SYNJ2: variants seen among roughly 807,000 people sequenced by gnomAD.
The protein encoded by SYNJ2 is polyphosphatidylinositol phosphatase SYNJ2.
SYNJ2 carries 116 observed loss-of-function variants against 141.3 expected under a neutral mutation model. That is an observed-to-expected ratio of 0.82 (90% confidence interval 0.71 to 0.96). The LOEUF is 0.96. SYNJ2 is among the 40% of genes least tolerant of loss of function. The pLI, the probability that SYNJ2 is intolerant of heterozygous loss-of-function variation, is 0.00. For missense variants in SYNJ2, 1,873 were observed against 1,934.8 expected, an observed-to-expected ratio of 0.97 and a Z score of 0.60; for synonymous variants, 745 against 777.7, an observed-to-expected ratio of 0.96 and a Z score of 0.70.
chr6:157,996,424 C>T (rs1459904464), intron 1 of SYNJ2, among the ~76,000 whole-genome samples: 4 of 152,148 alleles, frequency 2.6e-5, no homozygotes, highest in African/African-American at 9.7e-5. Flanking sequence ...TAGGGATCTG[C>T]TTGAAGCTCA....
At chr6:158,010,916 G>A (rs974997759) in intron 1 of SYNJ2, among the ~76,000 whole-genome samples, 1 of 149,736 alleles carries the variant, frequency 6.7e-6, no homozygotes, top group Non-Finnish European at 1.5e-5. Context: ...GCCTCGTGAT[G>A]ACAGGGGACA....
chr6:157,999,884 T>C (rs1436307410), intron 1 of SYNJ2, among the ~76,000 whole-genome samples: 1 of 152,068 alleles, frequency 6.6e-6, no homozygotes, highest in Non-Finnish European at 1.5e-5. Context: ...CAGCTCCGGT[T>C]AGTGGATGAC....
intron 5 of SYNJ2, among the ~76,000 whole-genome samples, chr6:158,054,620 G>T (rs1269723006): frequency 6.6e-6 from 1 of 152,226 alleles, no homozygotes; most frequent in African/African-American, 2.4e-5. Flanking sequence ...TGTCTCCACA[G>T]TTGGCTTCAC....
At chr6:158,028,649 G>A (rs1350800567) in intron 2 of SYNJ2, 107 bp from the exon 3 acceptor site, 21 of 1,463,958 alleles carry the variant, frequency 1.4e-5, no homozygotes, top group South Asian at 7.8e-5. Flanking sequence ...GTGCACAGAC[G>A]TTGCCTTCCT....
chr6:158,013,299 T>C (rs896958413), intron 1 of SYNJ2, among the ~76,000 whole-genome samples: 1 of 152,156 alleles, frequency 6.6e-6, no homozygotes, highest in Admixed American at 6.5e-5. Flanking sequence ...AAGAATAGCT[T>C]GAACCCAGGA....
Position 158,071,019 on chromosome 6 carries a change from C to T in SYNJ2, c.1941-583C>T, listed in dbSNP as rs1781886682. Among the ~76,000 whole-genome samples the T allele has an allele frequency of 6.6e-6, 1 of 152,078 alleles. No individual in the cohort carries two copies. The highest frequency in any genetic ancestry group is 1.5e-5 in the Non-Finnish European group (1 of 68,020). On this transcript the variant is annotated intron_variant, in intron 14 of 26. Coordinates refer to ENST00000355585, the MANE Select transcript of SYNJ2 (RefSeq NM_003898.4). This position sits in a 1 kb window ranked among gnomAD's most constrained non-coding sequence, Gnocchi z 4.3. Reference sequence around the variant, plus strand: ...CCAACATGGTGAAACCCTGCCTCTACTAAAAATACAAAAATTAGCCGGGCG... The same window carrying T: ...CCAACATGGTGAAACCCTGCCTCTATTAAAAATACAAAAATTAGCCGGGCG...
At chr6:158,075,915 TAAAC>T (rs1307384219) in intron 16 of SYNJ2, among the ~76,000 whole-genome samples, 1 of 143,304 alleles carries the variant, frequency 7.0e-6, no homozygotes, top group African/African-American at 2.7e-5. Flanking sequence ...AATCCAAAGT[TAAAC>T]AAAGAAAAGA....
At position 158,060,371 on chromosome 6, in the gene SYNJ2, G is replaced by A. The variant is rs146113395; in HGVS notation, c.954+1018G>A. Among the ~76,000 whole-genome samples the A allele has an allele frequency of 2.3e-3, 352 of 152,298 alleles. 1 individual carries two copies. Among genetic ancestry groups the A allele is most frequent in the Admixed American group, 4.4e-3 (67 of 15,300 alleles). Reference sequence around the variant, plus strand: ...GCCCCCTGCTCCCCAGGCGCAAGACGTTCCAGAATGAGCCAAGGGGGCTCC... The same window carrying A: ...GCCCCCTGCTCCCCAGGCGCAAGACATTCCAGAATGAGCCAAGGGGGCTCC... On this transcript the variant is annotated intron_variant, in intron 7 of 26. Coordinates refer to ENST00000355585, the MANE Select transcript of SYNJ2 (RefSeq NM_003898.4).
rs926174829 is a variant in SYNJ2, at chr6:157,997,107, CAACT to C, written c.127+15020_127+15023del. Among the ~76,000 whole-genome samples, 65 of 151,250 alleles carry C rather than the reference CAACT, an allele frequency of 4.3e-4. No homozygotes were observed. In the Middle Eastern group the frequency reaches 0.01, roughly 24 times the overall value. On this transcript the variant is annotated intron_variant, in intron 1 of 26. Coordinates refer to ENST00000355585, the MANE Select transcript of SYNJ2 (RefSeq NM_003898.4). The stretch of plus-strand genomic sequence containing the variant: ...GGAATACCCTGCAGCCCCCACACAC[CAACT>C]GTCTCTGCCCCATGCCTGGTTTCCT...
rs1369033635 is a variant in SYNJ2, at chr6:158,017,108, A to G, written c.128-96A>G. 2.7e-6 allele frequency: 4 copies of G among 1,483,942 alleles called. No homozygotes were observed. In the Admixed American group the frequency reaches 7.0e-5, roughly 26 times the overall value. 91.9% of individuals were successfully genotyped at this position (1,483,942 alleles called of 1,614,324 possible). ...TATTGTCTTTGTGTTTTCTTTTTGG[A>G]GTGGGTGGGAAGCCAGCTTGGCAAG... On this transcript the variant is annotated intron_variant, in intron 1 of 26. Coordinates refer to ENST00000355585, the MANE Select transcript of SYNJ2 (RefSeq NM_003898.4).
At chr6:158,018,843 C>G (rs928352715) in intron 2 of SYNJ2, among the ~76,000 whole-genome samples, 2 of 152,260 alleles carry the variant, frequency 1.3e-5, no homozygotes. Flanking sequence ...CAAACGCTTG[C>G]TTTTTCTGTG....
intron 1 of SYNJ2, chr6:158,016,945 C>T: frequency 8.6e-7 from 1 of 1,168,328 alleles, no homozygotes; most frequent in Non-Finnish European, 1.1e-6. Context: ...GCCAGAACCC[C>T]AGGACCCCAG....
intron 1 of SYNJ2, among the ~76,000 whole-genome samples, chr6:157,987,888 C>T (rs1777265611): frequency 6.6e-6 from 1 of 152,216 alleles, no homozygotes; most frequent in African/African-American, 2.4e-5. Flanking sequence ...TTTTTAAAAG[C>T]AAAGTGACCA....
In SYNJ2 at chr6:158,078,342, C is replaced by T. The variant is rs144882966; in HGVS notation, c.2567+61C>T. The T allele has an allele frequency of 1.3e-4, 154 of 1,162,650 alleles. 1 individual carries two copies. The highest frequency in any genetic ancestry group is 6.9e-4 in the South Asian group (54 of 78,238). The allele number at this position is 1,162,650 out of a possible 1,614,324, so 72.0% of individuals were successfully genotyped here. ...CTGGGCAAGGCAGCGTCTCCCTCTCCGCAGGAAAATGCATGCTGTCCCCAT... is the reference window on the plus strand; with the variant it reads ...CTGGGCAAGGCAGCGTCTCCCTCTCTGCAGGAAAATGCATGCTGTCCCCAT... On this transcript the variant is annotated intron_variant, in intron 18 of 26. Coordinates refer to ENST00000355585, the MANE Select transcript of SYNJ2 (RefSeq NM_003898.4).
At chr6:158,085,887 C>T (rs982013483) in intron 22 of SYNJ2, among the ~76,000 whole-genome samples, 1 of 151,426 alleles carries the variant, frequency 6.6e-6, no homozygotes, top group African/African-American at 2.4e-5. Context: ...GGCTTCTGCC[C>T]GGGAGTTGAA....
intron 4 of SYNJ2, among the ~76,000 whole-genome samples, chr6:158,039,607 A>G (rs1275069047): frequency 1.3e-5 from 2 of 152,204 alleles, no homozygotes; most frequent in African/African-American, 2.4e-5. Context: ...AGCTTTGCTT[A>G]TGGTACAGGA....
chr6:158,074,049 C>T (rs1466945845), intron 15 of SYNJ2, among the ~76,000 whole-genome samples: 1 of 152,010 alleles, frequency 6.6e-6, no homozygotes, highest in East Asian at 1.9e-4. Context: ...GCAAGGACCC[C>T]AGGAGCTCTC....
intron 26 of SYNJ2, among the ~76,000 whole-genome samples, chr6:158,094,833 C>T (rs897038245): frequency 3.3e-5 from 5 of 152,190 alleles, no homozygotes; most frequent in African/African-American, 1.2e-4. Flanking sequence ...GGTTTCCATT[C>T]TTTACCAATA....
intron 1 of SYNJ2, among the ~76,000 whole-genome samples, chr6:158,006,522 A>T (rs1054582770): frequency 6.6e-6 from 1 of 152,112 alleles, no homozygotes; most frequent in Non-Finnish European, 1.5e-5. Flanking sequence ...GTTTTCTTGT[A>T]TCTTCTTGGT....
Sources: allele counts gnomAD v4.1 joint callset (sites outside exome capture counted in the v4.1 genomes callset), GRCh38; gene constraint gnomAD v4.1.1; non-coding constraint Gnocchi (gnomAD v3.1); transcripts MANE v1.5; gene names NCBI Gene and HGNC (gene_info 2026-07-23, HGNC 2026-07-21).